The following DKK2 variants were observed in gnomAD, a reference collection of about 807,000 sequenced individuals.
The protein encoded by DKK2 is dickkopf Wnt signaling pathway inhibitor 2, also known as dickkopf-related protein 2.
In DKK2, 11 loss-of-function variants were observed where a neutral mutation model predicts 28.1. That is an observed-to-expected ratio of 0.39 (90% CI 0.25 to 0.65). The LOEUF (loss-of-function observed/expected upper bound fraction) is 0.65, where lower values mean the gene tolerates loss of function less well. Among genes scored for constraint, DKK2 ranks in the 30% least tolerant of loss-of-function variants. The pLI is 0.47. For missense variants in DKK2, 326 were observed against 335.5 expected (o/e 0.97, Z 0.22); for synonymous variants, 135 against 126.5 (o/e 1.07, Z -0.45).
intron 1 of DKK2, among the ~76,000 whole-genome samples, chr4:106,935,526 G>A (rs926543601): frequency 9.9e-5 from 15 of 152,218 alleles, no homozygotes; most frequent in Non-Finnish European, 1.8e-4. Flanking sequence ...CAAGGCGGCA[G>A]CGAGGCTGGG....
At position 106,992,718 on chromosome 4, in the gene DKK2, C is replaced by A. The variant is rs144328894; in HGVS notation, c.222+42652G>T. The stretch of plus-strand genomic sequence containing the variant: ...AAATCTCATTCAGTCTTCACAGCAA[C>A]CCTCTCGGGTAAATTCTAATGTTCT... On this transcript the variant is annotated intron_variant, in intron 1 of 3. Transcript: ENST00000285311. Among the ~76,000 whole-genome samples the A allele has an allele frequency of 5.6e-3, 853 of 152,254 alleles. 6 individuals carry two copies. The highest frequency in any genetic ancestry group is 0.024 in the Middle Eastern group (7 of 294).
At chr4:107,006,093 T>C (rs1214941862) in intron 1 of DKK2, among the ~76,000 whole-genome samples, 1 of 152,124 alleles carries the variant, frequency 6.6e-6, no homozygotes, top group African/African-American at 2.4e-5. Flanking sequence ...TAAGATTATA[T>C]TGAAACTAAA....
At chr4:106,925,990 T>C in intron 1 of DKK2, 41 bp from the exon 2 acceptor site, 1 of 1,561,372 alleles carries the variant, frequency 6.4e-7, no homozygotes. Context: ...AAGGATTAGA[T>C]CGTGTTTCAC....
intron 1 of DKK2, among the ~76,000 whole-genome samples, chr4:106,974,571 T>C (rs1266658496): frequency 6.6e-6 from 1 of 152,164 alleles, no homozygotes; most frequent in Admixed American, 6.5e-5. Context: ...GGAATGCTTG[T>C]GATTTTCGCA....
chr4:106,994,440 G>A (rs12502280), intron 1 of DKK2, among the ~76,000 whole-genome samples: 17,931 of 150,682 alleles, frequency 0.12, 1,197 homozygotes, highest in East Asian at 0.22. Context: ...TGTCTCTCTC[G>A]CTCTCTTTTC....
chr4:106,962,603 C>A (rs1329457143), intron 1 of DKK2, among the ~76,000 whole-genome samples: 1 of 139,600 alleles, frequency 7.2e-6, no homozygotes, highest in Non-Finnish European at 1.5e-5. Flanking sequence ...CTACAAAAAT[C>A]AAATTAAAAT....
chr4:106,944,015 A>C (rs1489521570), intron 1 of DKK2, among the ~76,000 whole-genome samples: 3 of 152,058 alleles, frequency 2.0e-5, no homozygotes, highest in Non-Finnish European at 4.4e-5. Flanking sequence ...CATATCTGAT[A>C]GTATTCCTAG....
intron 1 of DKK2, among the ~76,000 whole-genome samples, chr4:107,005,361 A>AAC (rs1560590317): frequency 2.0e-5 from 3 of 149,138 alleles, no homozygotes; most frequent in Non-Finnish European, 3.0e-5. Flanking sequence ...AAAAAAAAAA[A>AAC]CAAAAACAAA....
intron 1 of DKK2, among the ~76,000 whole-genome samples, chr4:107,021,966 A>G (rs1723699393): frequency 6.6e-6 from 1 of 152,076 alleles, no homozygotes; most frequent in Non-Finnish European, 1.5e-5. Flanking sequence ...ATTTTCTGTT[A>G]ATGAGGAAAG....
At chr4:106,983,293 GAAAA>G (rs1219669639) in intron 1 of DKK2, among the ~76,000 whole-genome samples, 39 of 116,148 alleles carry the variant, frequency 3.4e-4, no homozygotes, top group Non-Finnish European at 6.4e-4. Flanking sequence ...AGAGAAGAAA[GAAAA>G]GAAAGGAAGA....
At chr4:106,953,610 T>C (rs933748750) in intron 1 of DKK2, among the ~76,000 whole-genome samples, 12 of 152,138 alleles carry the variant, frequency 7.9e-5, no homozygotes, top group Admixed American at 6.6e-5. Flanking sequence ...TTCCTACTCT[T>C]TCCACCCATC....
rs17037168 is a variant in DKK2 at position 106,980,622 on chromosome 4, A to T, written c.223-54673T>A. On this transcript the variant is annotated intron_variant, in intron 1 of 3. Coordinates refer to ENST00000285311, the MANE Select transcript of DKK2 (RefSeq NM_014421.3). ...TAATACAATTTTTCTATACTGGATG[A>T]TTTATTATGGTTAAATAAGATAATA... is the stretch of plus-strand genomic sequence containing the variant. Among the ~76,000 whole-genome samples the T allele has an allele frequency of 6.4e-3, 967 of 152,242 alleles. 14 individuals are homozygous for T. The highest frequency in any genetic ancestry group is 0.022 in the African/African-American group (924 of 41,554).
chr4:107,024,202 A>G (rs907125395), intron 1 of DKK2, among the ~76,000 whole-genome samples: 4 of 152,080 alleles, frequency 2.6e-5, no homozygotes, highest in African/African-American at 9.7e-5. Context: ...ACTGATATCT[A>G]TTATTGAGAC....
At chr4:106,964,791 T>C (rs1722742981) in intron 1 of DKK2, among the ~76,000 whole-genome samples, 3 of 152,284 alleles carry the variant, frequency 2.0e-5, no homozygotes, top group Admixed American at 1.3e-4. Context: ...CCCAGAGAAG[T>C]AGAAATTCTG....
chr4:106,936,097 T>G (rs547423340), intron 1 of DKK2, among the ~76,000 whole-genome samples: 41 of 152,094 alleles, frequency 2.7e-4, no homozygotes, highest in African/African-American at 8.0e-4. Flanking sequence ...TCACCAGCAA[T>G]GGAACAAAGC....
At chr4:106,956,413 T>C (rs985873329) in intron 1 of DKK2, among the ~76,000 whole-genome samples, 21 of 152,308 alleles carry the variant, frequency 1.4e-4, no homozygotes, top group Non-Finnish European at 3.1e-4. Flanking sequence ...TTCAAGTTCA[T>C]ATGGAACTAA....
chr4:106,937,276 A>G (rs1161631474), intron 1 of DKK2, among the ~76,000 whole-genome samples: 89 of 140,064 alleles, frequency 6.4e-4, no homozygotes, highest in South Asian at 2.5e-4. Context: ...AGGAAGATCT[A>G]CCAAGCAAAT....
chr4:106,932,291 C>T (rs1367371370), intron 1 of DKK2, among the ~76,000 whole-genome samples: 1 of 152,124 alleles, frequency 6.6e-6, no homozygotes, highest in Non-Finnish European at 1.5e-5. Flanking sequence ...CCATTAGCCT[C>T]TCCAATGTAT....
intron 1 of DKK2, among the ~76,000 whole-genome samples, chr4:107,028,309 T>C (rs928317466): frequency 2.0e-5 from 3 of 152,016 alleles, no homozygotes; most frequent in Non-Finnish European, 2.9e-5. Flanking sequence ...TATGCATTAG[T>C]TTAGTCACCC....
Sources: gnomAD v4.1 joint callset for allele counts (sites outside exome capture counted in the v4.1 genomes callset) on GRCh38, gnomAD v4.1.1 for gene constraint, MANE v1.5 for transcripts, NCBI Gene and HGNC (gene_info 2026-07-23, HGNC 2026-07-21) for gene names.